PHC3: variants seen among roughly 807,000 people sequenced by gnomAD.
PHC3 encodes polyhomeotic homolog 3, also known as polyhomeotic-like protein 3.
A neutral mutation model predicts 107.4 loss-of-function variants in PHC3; 13 were observed. The observed-to-expected ratio is 0.12, with a 90% CI of 0.08 to 0.19. The LOEUF is 0.19. Ranked by LOEUF, PHC3 falls within the 10% of genes least tolerant of loss-of-function variation. PHC3 has a pLI of 1.00. For synonymous variants in PHC3, 456 were observed against 427.4 expected (o/e 1.07, Z -0.83); for missense variants, 992 against 1,210.9 (o/e 0.82, Z 2.68).
intron 7 of PHC3, among the ~76,000 whole-genome samples, chr3:170,131,913 A>C (rs1054351599): frequency 7.2e-5 from 11 of 152,236 alleles, no homozygotes; most frequent in African/African-American, 2.7e-4. Context: ...GTGACAATTC[A>C]ACAGATTAGC....
At chr3:170,145,908 C>T (rs1420619295) in intron 5 of PHC3, among the ~76,000 whole-genome samples, 2 of 152,078 alleles carry the variant, frequency 1.3e-5, no homozygotes, top group East Asian at 3.9e-4. Context: ...TATTTTGGGA[C>T]ACAAATTAAA....
chr3:170,102,746 A>T (rs1023181269), intron 13 of PHC3, 36 bp from the exon 14 acceptor site: 7 of 1,613,276 alleles, frequency 4.3e-6, no homozygotes, highest in Non-Finnish European at 5.9e-6. Context: ...ACAGCATTGC[A>T]CTTTCCTTGC....
At chr3:170,108,862 T>C (rs145678491) in intron 11 of PHC3, among the ~76,000 whole-genome samples, 1 of 152,242 alleles carries the variant, frequency 6.6e-6, no homozygotes, top group African/African-American at 2.4e-5. Flanking sequence ...TTAATTAACA[T>C]AGCAATGTCC....
chr3:170,117,785 G>GAGA (rs565686539), intron 9 of PHC3, among the ~76,000 whole-genome samples: 1,797 of 150,076 alleles, frequency 0.012, 39 homozygotes, highest in African/African-American at 0.042. Context: ...ATCACCTGAG[G>GAGA]AGAATTCGAG....
chr3:170,174,579 T>C (rs1371448693), intron 2 of PHC3, among the ~76,000 whole-genome samples: 1 of 152,162 alleles, frequency 6.6e-6, no homozygotes, highest in African/African-American at 2.4e-5. Context: ...AAACCAGAGT[T>C]TTCAAAGAGC....
intron 4 of PHC3, among the ~76,000 whole-genome samples, chr3:170,156,938 T>A (rs1727001191): frequency 6.6e-6 from 1 of 152,126 alleles, no homozygotes; most frequent in Admixed American, 6.6e-5. Flanking sequence ...AAAATACCTA[T>A]CCTATTTATT....
chr3:170,179,580 G>A (rs926342482), intron 1 of PHC3, among the ~76,000 whole-genome samples: 1 of 152,158 alleles, frequency 6.6e-6, no homozygotes, highest in Non-Finnish European at 1.5e-5. Flanking sequence ...CAGAGAAGCA[G>A]CAAACAGCAA....
intron 9 of PHC3, among the ~76,000 whole-genome samples, chr3:170,120,510 T>C (rs943171355): frequency 6.6e-6 from 1 of 151,860 alleles, no homozygotes; most frequent in African/African-American, 2.4e-5. Context: ...GAGGCGAAAG[T>C]TGCAGTGAGC....
Position 170,097,571 on chromosome 3 carries a change from A to C in PHC3, c.2834-187T>G, listed in dbSNP as rs1454285274. Among the ~76,000 whole-genome samples, 1 of 152,224 alleles carries C rather than the reference A, an allele frequency of 6.6e-6. No homozygotes were observed. Among genetic ancestry groups the C allele is most frequent in the African/African-American group, 2.4e-5 (1 of 41,456 alleles). On this transcript the variant is annotated intron_variant, in intron 14 of 14. Coordinates refer to ENST00000495893, the MANE Select transcript of PHC3 (RefSeq NM_024947.4). The surrounding 1 kb of genome is among the most constrained non-coding windows in gnomAD (Gnocchi z 4.1). ...ATAGAGTATTTGCATTCTGAAAATA[A>C]GAATTCAAAATCCAGGTAAAGCAAT...
intron 9 of PHC3, among the ~76,000 whole-genome samples, chr3:170,121,502 T>C (rs1720302327): frequency 6.6e-6 from 1 of 152,136 alleles, no homozygotes. Flanking sequence ...AGCACTGAAA[T>C]AGTGAATAAG....
chr3:170,105,421 A>G (rs1716292637), intron 12 of PHC3, among the ~76,000 whole-genome samples: 1 of 152,220 alleles, frequency 6.6e-6, no homozygotes, highest in African/African-American at 2.4e-5. Context: ...TACTAAGTAT[A>G]TTTTGGAAAT....
In PHC3 at chr3:170,091,992, C is replaced by T. The variant is rs1179921291; in HGVS notation, c.*5238G>A. On this transcript the variant is annotated 3_prime_UTR_variant, in exon 15 of 15. Transcript: ENST00000495893. Reference sequence around the variant, plus strand: ...TCTAATAAAAGAGGACGTATCTTCCCAAATAATTTTTTGTTTTGTTTTTTT... The same window carrying T: ...TCTAATAAAAGAGGACGTATCTTCCTAAATAATTTTTTGTTTTGTTTTTTT... 6.6e-6 allele frequency: 1 copy of T among 151,948 alleles called. No individual in the cohort carries two copies. The highest frequency in any genetic ancestry group is 1.5e-5 in the Non-Finnish European group (1 of 67,964). The allele number at this position is 151,948 out of a possible 1,614,324, so 9.4% of individuals were successfully genotyped here.
intron 4 of PHC3, among the ~76,000 whole-genome samples, chr3:170,156,691 G>A (rs1156247394): frequency 2.6e-5 from 4 of 151,914 alleles, no homozygotes; most frequent in African/African-American, 9.7e-5. Context: ...TCCGCCTCCT[G>A]GGTTCAAGTG....
intron 4 of PHC3, among the ~76,000 whole-genome samples, chr3:170,156,380 CTGAG>C (rs1431780497): frequency 6.6e-6 from 1 of 152,194 alleles, no homozygotes. Context: ...CCTCAGCCTC[CTGAG>C]TATCTGCGAC....
intron 2 of PHC3, among the ~76,000 whole-genome samples, chr3:170,176,236 A>AG (rs1271594144): frequency 2.0e-5 from 3 of 151,910 alleles, no homozygotes; most frequent in Non-Finnish European, 2.9e-5. Flanking sequence ...AAAAAAAAAA[A>AG]AAAAAAAAAG....
intron 2 of PHC3, among the ~76,000 whole-genome samples, chr3:170,175,497 A>G (rs1396234760): frequency 6.6e-6 from 1 of 152,098 alleles, no homozygotes; most frequent in African/African-American, 2.4e-5. Context: ...TTAGCCAAGC[A>G]TAGTCACATG....
Position 170,167,429 on chromosome 3 carries a change from T to A in PHC3, c.414+3944A>T, listed in dbSNP as rs564656951. Among the ~76,000 whole-genome samples the A allele has an allele frequency of 1.1e-4, 17 of 152,342 alleles. No individual in the cohort carries two copies. The East Asian group carries it at 3.1e-3, about 28-fold the overall frequency. ...ACATGCCCAGCCTTTTACATACATT[T>A]ATTATTGATATGTTAAATATATTTT... On this transcript the variant is annotated intron_variant, in intron 4 of 14. Coordinates refer to ENST00000495893, the MANE Select transcript of PHC3 (RefSeq NM_024947.4).
At chr3:170,126,778 T>G (rs1021180907) in intron 8 of PHC3, among the ~76,000 whole-genome samples, 1 of 151,882 alleles carries the variant, frequency 6.6e-6, no homozygotes, top group African/African-American at 2.4e-5. Context: ...TGACCTCAGG[T>G]GATCCACCTG....
intron 4 of PHC3, among the ~76,000 whole-genome samples, chr3:170,151,201 ACT>A (rs1290184988): frequency 1.3e-5 from 2 of 152,154 alleles, no homozygotes; most frequent in East Asian, 1.9e-4. Context: ...ACAGAGCGAG[ACT>A]CTGTCTCAAA....
Sources: allele counts gnomAD v4.1 joint callset (sites outside exome capture counted in the v4.1 genomes callset), GRCh38; gene constraint gnomAD v4.1.1; non-coding constraint Gnocchi (gnomAD v3.1); transcripts MANE v1.5; gene names NCBI Gene and HGNC (gene_info 2026-07-23, HGNC 2026-07-21).